The following MED13L variants were observed in gnomAD, a reference collection of about 807,000 sequenced individuals.
The protein encoded by MED13L is mediator of RNA polymerase II transcription subunit 13-like.
Under a neutral mutation model 220.9 loss-of-function variants are expected in MED13L, and 7 were observed. That is an observed-to-expected ratio of 0.03 (90% CI 0.02 to 0.06). MED13L has a LOEUF of 0.06. Among genes scored for constraint, MED13L ranks in the 10% least tolerant of loss-of-function variants. The pLI is 1.00. For synonymous variants in MED13L, 1,011 were observed against 1,015.2 expected (o/e 1.00, Z 0.08); for missense variants, 1,965 against 2,760.5 (o/e 0.71, Z 6.46).
chr12:116,199,929 C>T (rs1172910323), intron 2 of MED13L, among the ~76,000 whole-genome samples: 1 of 151,930 alleles, frequency 6.6e-6, no homozygotes, highest in African/African-American at 2.4e-5. Flanking sequence ...GCATTTTGGA[C>T]GTCATACTGT....
rs573771610 is a variant in MED13L, at chr12:116,245,766, A to C, written c.73-8061T>G. Among the ~76,000 whole-genome samples, 11 of 152,318 alleles carry C rather than the reference A, an allele frequency of 7.2e-5. No homozygotes were observed. In the East Asian group the frequency reaches 1.7e-3, roughly 24 times the overall value. On this transcript the variant is annotated intron_variant, in intron 1 of 30. Transcript: ENST00000281928. ...TAAACAAAAATGGAAAATGGGGGAAAGCTGAAAATCCAAATACGAGGAAGC... is the reference window on the plus strand; with the variant it reads ...TAAACAAAAATGGAAAATGGGGGAACGCTGAAAATCCAAATACGAGGAAGC...
chr12:116,055,692 C>T (rs1030019923), intron 4 of MED13L, among the ~76,000 whole-genome samples: 1 of 152,114 alleles, frequency 6.6e-6, no homozygotes, highest in Non-Finnish European at 1.5e-5. Context: ...GTCGGGAGTT[C>T]AAGACCAGCC....
At chr12:116,112,676 TAA>T (rs1252085127) in intron 2 of MED13L, among the ~76,000 whole-genome samples, 1 of 152,174 alleles carries the variant, frequency 6.6e-6, no homozygotes, top group African/African-American at 2.4e-5. Context: ...GCAAGAGAAA[TAA>T]AGTACAGCAA....
At chr12:116,075,072 TA>T (rs938021156) in intron 4 of MED13L, among the ~76,000 whole-genome samples, 1 of 152,216 alleles carries the variant, frequency 6.6e-6, no homozygotes, top group Admixed American at 6.5e-5. Context: ...ACCCAGAGGC[TA>T]AAAAAATGAA....
chr12:116,142,940 C>A (rs374055478), intron 2 of MED13L, among the ~76,000 whole-genome samples: 10 of 152,258 alleles, frequency 6.6e-5, no homozygotes, highest in African/African-American at 2.4e-4. Context: ...ATATTCAAAT[C>A]AAACAGGTGA....
At chr12:116,135,803 TG>T (rs1876495329) in intron 2 of MED13L, among the ~76,000 whole-genome samples, 1 of 152,160 alleles carries the variant, frequency 6.6e-6, no homozygotes, top group Non-Finnish European at 1.5e-5. Flanking sequence ...AAAGGCTAGC[TG>T]ATCAGTTTTG....
intron 1 of MED13L, among the ~76,000 whole-genome samples, chr12:116,275,640 C>T (rs558720602): frequency 6.6e-6 from 1 of 152,066 alleles, no homozygotes; most frequent in Non-Finnish European, 1.5e-5. Context: ...AATTATTTAT[C>T]CAGTGTAAAC....
intron 2 of MED13L, among the ~76,000 whole-genome samples, chr12:116,138,717 A>G (rs1331907393): frequency 5.3e-5 from 8 of 152,258 alleles, no homozygotes; most frequent in Admixed American, 1.3e-4. Context: ...AGAAAATTCT[A>G]AGCAAATGTT....
chr12:116,270,133 A>G (rs1038111282), intron 1 of MED13L, among the ~76,000 whole-genome samples: 9 of 151,990 alleles, frequency 5.9e-5, no homozygotes, highest in Admixed American at 3.3e-4. Flanking sequence ...AATCTATTCT[A>G]TACCACAGAT....
At chr12:116,049,951 C>T (rs949702804) in intron 4 of MED13L, among the ~76,000 whole-genome samples, 4 of 152,044 alleles carry the variant, frequency 2.6e-5, no homozygotes, top group Non-Finnish European at 2.9e-5. Flanking sequence ...TACAAAAACA[C>T]GTATGTACTA....
chr12:116,124,581 A>C, intron 2 of MED13L, among the ~76,000 whole-genome samples: 1 of 152,176 alleles, frequency 6.6e-6, no homozygotes, highest in East Asian at 1.9e-4. Context: ...AAGACAGAAA[A>C]AAAACTGCTT....
intron 2 of MED13L, among the ~76,000 whole-genome samples, chr12:116,122,464 T>C (rs1485084480): frequency 2.0e-5 from 3 of 152,192 alleles, no homozygotes; most frequent in Non-Finnish European, 2.9e-5. Context: ...CTTCAACCTA[T>C]TTAGAGCTCT....
intron 2 of MED13L, among the ~76,000 whole-genome samples, chr12:116,196,419 C>CG (rs1881630100): frequency 2.0e-5 from 3 of 151,632 alleles, no homozygotes; most frequent in Admixed American, 2.0e-4. Flanking sequence ...TCTTCGGCTT[C>CG]GGCTGCAACT....
At chr12:116,068,781 C>G (rs1043532790) in intron 4 of MED13L, among the ~76,000 whole-genome samples, 4 of 141,534 alleles carry the variant, frequency 2.8e-5, no homozygotes, top group Admixed American at 7.9e-5. Context: ...AGATTCTAAC[C>G]TGTAATAATA....
intron 4 of MED13L, among the ~76,000 whole-genome samples, chr12:116,076,224 C>T (rs1212371214): frequency 1.3e-5 from 2 of 152,160 alleles, no homozygotes; most frequent in Admixed American, 1.3e-4. Context: ...GCAGGGGACA[C>T]AATAAAATAA....
At chr12:116,040,083 C>T (rs1881433003) in intron 4 of MED13L, among the ~76,000 whole-genome samples, 1 of 152,134 alleles carries the variant, frequency 6.6e-6, no homozygotes, top group Admixed American at 6.5e-5. Context: ...GTACACGATG[C>T]ATAGCTCTCA....
intron 12 of MED13L, 38 bp from the exon 13 acceptor site, chr12:116,006,031 T>A: frequency 6.2e-7 from 1 of 1,612,914 alleles, no homozygotes; most frequent in Non-Finnish European, 8.5e-7. Context: ...AATAAACAAC[T>A]CCACCAAGCG....
intron 7 of MED13L, among the ~76,000 whole-genome samples, chr12:116,017,242 T>C (rs1879781043): frequency 6.6e-6 from 1 of 152,040 alleles, no homozygotes; most frequent in Non-Finnish European, 1.5e-5. Context: ...AAATCCCCCA[T>C]CAAAAAAAAC....
chr12:116,019,711 G>A (rs536445778), intron 6 of MED13L, 67 bp downstream of exon 6: 1 of 1,500,302 alleles, frequency 6.7e-7, no homozygotes, highest in Non-Finnish European at 9.3e-7. Flanking sequence ...GAATCTAAAT[G>A]ATTATCTTTT....
Sources: gnomAD v4.1 joint callset for allele counts (sites outside exome capture counted in the v4.1 genomes callset) on GRCh38, gnomAD v4.1.1 for gene constraint, MANE v1.5 for transcripts, NCBI Gene and HGNC (gene_info 2026-07-23, HGNC 2026-07-21) for gene names.